The following UHRF1 variants were observed in gnomAD, a reference collection of about 807,000 sequenced individuals.
The protein encoded by UHRF1 is E3 ubiquitin-protein ligase UHRF1.
Under a neutral mutation model 96.5 loss-of-function variants are expected in UHRF1, and 9 were observed. The ratio of observed to expected loss-of-function variants is 0.09; its 90% CI spans 0.06 to 0.16. UHRF1 has a LOEUF of 0.16. UHRF1 is among the 10% of genes least tolerant of loss of function. The probability of loss-of-function intolerance (pLI) is 1.00; values close to 1 mark genes in which losing one functional copy is unlikely to be tolerated. For missense variants in UHRF1, 626 were observed against 1,131.1 expected (o/e 0.55, Z 6.40); for synonymous variants, 455 against 469.9 (o/e 0.97, Z 0.41).
At chr19:4,910,804 A>T in intron 1 of UHRF1, 72 bp from the exon 2 acceptor site, 1 of 1,475,808 alleles carries the variant, frequency 6.8e-7, no homozygotes, top group East Asian at 2.4e-5. Flanking sequence ...AGCAACCCCG[A>T]CTCCTTAGAG....
chr19:4,942,218 A>C (rs1361391894), intron 7 of UHRF1, among the ~76,000 whole-genome samples: 13 of 149,350 alleles, frequency 8.7e-5, no homozygotes, highest in Admixed American at 8.7e-4. Context: ...TTTGCGGCGG[A>C]GTCTCGCTGT....
intron 16 of UHRF1, among the ~76,000 whole-genome samples, chr19:4,957,296 G>GGTTTTTT (rs2033880975): frequency 4.2e-5 from 5 of 119,468 alleles, no homozygotes; most frequent in African/African-American, 1.7e-4. Context: ...CCCAGCTGAT[G>GGTTTTTT]GTTTTTTTTT....
intron 5 of UHRF1, among the ~76,000 whole-genome samples, chr19:4,935,899 ACAGATAACCTGCC>A (rs1241786706): frequency 3.3e-5 from 5 of 152,244 alleles, no homozygotes; most frequent in African/African-American, 1.2e-4. Context: ...TTACCCTGAG[ACAGATAACCTGCC>A]CAGCCAGCAC....
At chr19:4,933,382 A>T (rs1440296567) in intron 5 of UHRF1, among the ~76,000 whole-genome samples, 2 of 151,714 alleles carry the variant, frequency 1.3e-5, no homozygotes, top group Non-Finnish European at 2.9e-5. Flanking sequence ...CACCTGGCTA[A>T]TTTTTTTGTA....
At chr19:4,917,842 A>G (rs1192716328) in intron 2 of UHRF1, among the ~76,000 whole-genome samples, 1 of 151,388 alleles carries the variant, frequency 6.6e-6, no homozygotes, top group Non-Finnish European at 1.5e-5. Flanking sequence ...TTATTAATTG[A>G]AAAAACTTTT....
At chr19:4,939,825 C>A (rs1050251084) in intron 5 of UHRF1, among the ~76,000 whole-genome samples, 1 of 152,110 alleles carries the variant, frequency 6.6e-6, no homozygotes, top group East Asian at 1.9e-4. Flanking sequence ...GAGATCGAGA[C>A]CATCCTGGCA....
At chr19:4,950,540 G>A (rs2033688530) in intron 11 of UHRF1, 71 bp from the exon 12 acceptor site, 77 of 1,525,374 alleles carry the variant, frequency 5.0e-5, no homozygotes, top group Non-Finnish European at 6.6e-5. Context: ...CACCACTCCC[G>A]GCTCCTGTGT....
intron 10 of UHRF1, among the ~76,000 whole-genome samples, 189 bp downstream of exon 10, chr19:4,946,154 G>A (rs1241373882): frequency 6.6e-6 from 1 of 152,032 alleles, no homozygotes; most frequent in African/African-American, 2.4e-5. Flanking sequence ...TTCCCAAACT[G>A]AAACGTTGTC....
intron 13 of UHRF1, among the ~76,000 whole-genome samples, chr19:4,953,102 C>T (rs867566636): frequency 7.2e-5 from 11 of 152,142 alleles, no homozygotes; most frequent in Admixed American, 5.9e-4. Flanking sequence ...ACATTAAATG[C>T]GCTTACCCCG....
rs987187882 is a variant in UHRF1 at position 4,930,222 on chromosome 19, G to T, written c.409-494G>T. Among the ~76,000 whole-genome samples the T allele has an allele frequency of 2.0e-5, 3 of 152,148 alleles. No homozygotes were observed. Among genetic ancestry groups the T allele is most frequent in the Non-Finnish European group, 2.9e-5 (2 of 68,026 alleles). ...ACTCCTGGCCTCAAGTGATCTTCCCGCCGCAGCCTCCCAAAGTGCTGGAAT... is the reference window on the plus strand; with the variant it reads ...ACTCCTGGCCTCAAGTGATCTTCCCTCCGCAGCCTCCCAAAGTGCTGGAAT... On this transcript the variant is annotated intron_variant, in intron 3 of 16. Coordinates refer to ENST00000650932, the MANE Select transcript of UHRF1 (RefSeq NM_001048201.3). This position sits in a 1 kb window ranked among gnomAD's most constrained non-coding sequence, Gnocchi z 4.4.
chr19:4,933,081 C>T, intron 5 of UHRF1, 125 bp downstream of exon 5: 1 of 1,039,662 alleles, frequency 9.6e-7, no homozygotes, highest in Non-Finnish European at 1.4e-6. Flanking sequence ...CCGGCCTGGC[C>T]TTCCTGCCTC....
chr19:4,920,303 G>A (rs183162138), intron 2 of UHRF1, among the ~76,000 whole-genome samples: 1 of 152,104 alleles, frequency 6.6e-6, no homozygotes, highest in Non-Finnish European at 1.5e-5. Context: ...ATGCTGGCAT[G>A]TGCCTGTACT....
intron 5 of UHRF1, among the ~76,000 whole-genome samples, chr19:4,940,021 C>CAAAAAA (rs529825403): frequency 1.4e-5 from 1 of 72,632 alleles, no homozygotes; most frequent in African/African-American, 5.3e-5. Flanking sequence ...GAGACTGTCT[C>CAAAAAA]AAAAAAAAAA....
chr19:4,907,544 A>G (rs1268089324), upstream of UHRF1, among the ~76,000 whole-genome samples: 1 of 151,898 alleles, frequency 6.6e-6, no homozygotes, highest in Non-Finnish European at 1.5e-5. Flanking sequence ...TACTGGGATT[A>G]CACGTGTGAG....
chr19:4,954,828 C>T lies in UHRF1; in HGVS notation c.2130+6C>T, dbSNP rs1308798736. The T allele has an allele frequency of 2.5e-6, 4 of 1,612,586 alleles. No homozygotes were observed. The highest frequency in any genetic ancestry group is 3.4e-6 in the Non-Finnish European group (4 of 1,179,304). ...GGCCGGCGAGCGGCAGCCCGGTAGG[C>T]TCGCACGGCTCACTCGTCGCCCTGA... On this transcript the variant is annotated splice_donor_region_variant and intron_variant, in intron 15 of 16. Coordinates refer to ENST00000650932, the MANE Select transcript of UHRF1 (RefSeq NM_001048201.3). The surrounding 1 kb of genome is among the most constrained non-coding windows in gnomAD (Gnocchi z 5.9).
chr19:4,921,453 A>T (rs1466337818), intron 2 of UHRF1, among the ~76,000 whole-genome samples: 1 of 151,620 alleles, frequency 6.6e-6, no homozygotes, highest in Admixed American at 6.6e-5. Context: ...AAACAAACGA[A>T]AAAGGAAAGT....
chr19:4,904,678 T>G (rs1217959341), upstream of UHRF1, among the ~76,000 whole-genome samples: 1 of 152,190 alleles, frequency 6.6e-6, no homozygotes, highest in East Asian at 1.9e-4. Flanking sequence ...GGGTGAGACC[T>G]TGTCTAAGTG....
rs989432247 is a variant in UHRF1 at position 4,937,227 on chromosome 19, G to A, written c.785+4271G>A. ...TCTCCATAATTACAGATTAATTGAA[G>A]TTACCGCATATCAGTAGCTCATTCC... On this transcript the variant is annotated intron_variant, in intron 5 of 16. Coordinates refer to ENST00000650932, the MANE Select transcript of UHRF1 (RefSeq NM_001048201.3). 2.1e-4 allele frequency among the ~76,000 whole-genome samples: 31 copies of A among 149,598 alleles called. No individual in the cohort carries two copies. In the South Asian group the frequency reaches 2.8e-3, roughly 13 times the overall value.
intron 5 of UHRF1, among the ~76,000 whole-genome samples, chr19:4,937,392 T>G (rs1292623180): frequency 1.3e-5 from 2 of 151,906 alleles, no homozygotes; most frequent in African/African-American, 2.4e-5. Context: ...GACACAGTCT[T>G]GCTCTGTTTC....
Sources: gnomAD v4.1 joint callset for allele counts (sites outside exome capture counted in the v4.1 genomes callset) on GRCh38, gnomAD v4.1.1 for gene constraint, Gnocchi (gnomAD v3.1) non-coding constraint, MANE v1.5 for transcripts, NCBI Gene and HGNC (gene_info 2026-07-23, HGNC 2026-07-21) for gene names.